Variants in HYDIN observed in about 807,000 individuals in gnomAD.
HYDIN encodes HYDIN axonemal central pair apparatus protein, also known as axonemal central pair apparatus protein HYDIN.
Under a neutral mutation model 403.9 loss-of-function variants are expected in HYDIN, and 132 were observed. That is an observed-to-expected ratio of 0.33 (90% confidence interval 0.28 to 0.38). The LOEUF is 0.38. Ranked by LOEUF, HYDIN falls within the 10% of genes least tolerant of loss-of-function variation. HYDIN has a pLI of 1.00. For missense variants in HYDIN, 2,827 were observed against 5,009.5 expected, an observed-to-expected ratio of 0.56 and a Z score of 13.15; for synonymous variants, 1,202 against 1,891.7, an observed-to-expected ratio of 0.64 and a Z score of 9.46.
chr16:70,834,980 A>ATATATATATACACACATATATGTGTG (rs1555539572), intron 78 of HYDIN, among the ~76,000 whole-genome samples: 1,486 of 128,590 alleles, frequency 0.012, 36 homozygotes, highest in African/African-American at 0.057. Flanking sequence ...ATGTGTGTAT[A>ATATATATATACACACATATATGTGTG]TATATATATA....
At position 70,985,255 on chromosome 16, in the gene HYDIN, T is replaced by A. The variant is rs2079156029; in HGVS notation, c.4262A>T (p.Lys1421Met). ...AGAAGACTGGTGGTCAGTCAGAACC[T>A]TGAACTCAAAGCCAACTTTCCCCAT... ...TNMGKVGFEF[K>M]VLTDHQSSPD... Residue 1421 changes from lysine (K) to methionine (M), a missense_variant, in exon 28 of 86, where the codon AAG (lysine) becomes ATG (methionine). Coordinates refer to ENST00000393567, the MANE Select transcript of HYDIN (RefSeq NM_001270974.2). The A allele has an allele frequency of 1.0e-5, 16 of 1,567,770 alleles. No homozygotes were observed. In the East Asian group the frequency reaches 3.6e-4, roughly 35 times the overall value.
intron 8 of HYDIN, among the ~76,000 whole-genome samples, chr16:71,133,720 A>G (rs888291081): frequency 2.0e-5 from 3 of 152,134 alleles, no homozygotes; most frequent in Non-Finnish European, 4.4e-5. Context: ...AGTGAACGTG[A>G]TAAGAATGAG....
chr16:71,208,762 G>C (rs892950312), intron 1 of HYDIN, among the ~76,000 whole-genome samples: 3 of 151,832 alleles, frequency 2.0e-5, no homozygotes, highest in Non-Finnish European at 4.4e-5. Flanking sequence ...AACCATCAGA[G>C]ACTCCTTTAT....
At chr16:71,203,851 G>A (rs1438904676) in intron 1 of HYDIN, 2 of 454,372 alleles carry the variant, frequency 4.4e-6, no homozygotes, top group South Asian at 1.6e-5. Flanking sequence ...GATCACTTGA[G>A]CTCAGGAGTT....
chr16:70,808,788 T>C (rs1392682887), intron 85 of HYDIN, among the ~76,000 whole-genome samples: 1 of 152,226 alleles, frequency 6.6e-6, no homozygotes, highest in Non-Finnish European at 1.5e-5. Context: ...CCTTTGTTGA[T>C]AGGTGTGGTC....
chr16:71,064,986 C>T, intron 15 of HYDIN, 146 bp from the exon 16 acceptor site: 1 of 568,962 alleles, frequency 1.8e-6, no homozygotes, highest in Admixed American at 3.0e-5. Flanking sequence ...AGCTTCTCTC[C>T]TCCTCTCTTC....
chr16:71,153,236 G>C (rs2085613160), intron 6 of HYDIN, among the ~76,000 whole-genome samples: 1 of 152,180 alleles, frequency 6.6e-6, no homozygotes, highest in South Asian at 2.1e-4. Context: ...AGTTTTGTGA[G>C]AGTTCACAGG....
At chr16:70,944,135 G>T (rs114819952) in intron 41 of HYDIN, among the ~76,000 whole-genome samples, 186 bp from the exon 42 acceptor site, 5 of 152,172 alleles carry the variant, frequency 3.3e-5, no homozygotes, top group African/African-American at 1.2e-4. Context: ...GTTTCAAGTG[G>T]GAATAGCATG....
At chr16:71,022,215 T>A (rs549243476) in intron 21 of HYDIN, among the ~76,000 whole-genome samples, 1 of 152,218 alleles carries the variant, frequency 6.6e-6, no homozygotes, top group Non-Finnish European at 1.5e-5. Context: ...CTTGGTTGGT[T>A]TTGGCAAGAG....
chr16:70,854,381 T>C (rs2038880408), intron 73 of HYDIN, among the ~76,000 whole-genome samples: 1 of 148,802 alleles, frequency 6.7e-6, no homozygotes, highest in Non-Finnish European at 1.5e-5. Context: ...ATTACAGGTG[T>C]GTGCCACCAC....
intron 12 of HYDIN, among the ~76,000 whole-genome samples, chr16:71,086,225 A>C (rs1221693405): frequency 1.3e-5 from 2 of 152,220 alleles, no homozygotes; most frequent in Non-Finnish European, 2.9e-5. Context: ...TTCAGAGTCA[A>C]AAGTGAGGGC....
At chr16:71,211,050 T>A (rs2088562009) in intron 1 of HYDIN, among the ~76,000 whole-genome samples, 3 of 151,928 alleles carry the variant, frequency 2.0e-5, no homozygotes, top group Admixed American at 1.3e-4. Context: ...AAGTCAATGA[T>A]CAGAGCCTGC....
In HYDIN at chr16:70,832,864, G is replaced by A. The variant is rs2037108011; in HGVS notation, c.13883C>T (p.Pro4628Leu). The change falls in exon 80 of 86, where the codon CCA becomes CTA. Residue 4628 changes from proline (P) to leucine (L), a missense_variant. Coordinates refer to ENST00000393567, the MANE Select transcript of HYDIN (RefSeq NM_001270974.2). ...SLTLSGVCVG[P>L]PAVKEVVNFT... ...GCTACTAACCTCTTTTACCGCAGGT[G>A]GTCCCACGCAGACTCCAGACAGGGT... The A allele has an allele frequency of 2.5e-6, 4 of 1,610,382 alleles. No individual in the cohort carries two copies. Among genetic ancestry groups the A allele is most frequent in the Non-Finnish European group, 3.4e-6 (4 of 1,177,626 alleles).
intron 40 of HYDIN, among the ~76,000 whole-genome samples, chr16:70,954,169 C>G (rs1035680587): frequency 1.9e-5 from 1 of 51,626 alleles, no homozygotes; most frequent in African/African-American, 7.8e-5. Flanking sequence ...GAAGGCCACA[C>G]CAGACCTCCC....
At chr16:70,911,795 T>G (rs369833143) in intron 47 of HYDIN, among the ~76,000 whole-genome samples, 2,889 of 151,370 alleles carry the variant, frequency 0.019, 47 homozygotes, top group Middle Eastern at 0.082. Flanking sequence ...CAGCAGTGTT[T>G]TGTAGTTTTC....
At chr16:70,955,311 A>G (rs2078198433) in intron 40 of HYDIN, 64 bp downstream of exon 40, 2 of 1,058,338 alleles carry the variant, frequency 1.9e-6, no homozygotes, top group Non-Finnish European at 2.7e-6. Flanking sequence ...CACAGAGAAG[A>G]TGGGTGTTGT....
At chr16:71,047,142 G>A (rs758254083) in intron 18 of HYDIN, among the ~76,000 whole-genome samples, 1 of 152,170 alleles carries the variant, frequency 6.6e-6, no homozygotes, top group South Asian at 2.1e-4. Flanking sequence ...GGACAGGCTT[G>A]CAAGGAATGC....
At chr16:71,146,037 G>A (rs1337488344) in intron 7 of HYDIN, among the ~76,000 whole-genome samples, 1 of 152,106 alleles carries the variant, frequency 6.6e-6, no homozygotes, top group Admixed American at 6.6e-5. Context: ...ATGTAGAGTT[G>A]TTTATTTATA....
At chr16:71,171,913 G>A (rs2086478605) in intron 5 of HYDIN, among the ~76,000 whole-genome samples, 1 of 152,062 alleles carries the variant, frequency 6.6e-6, no homozygotes, top group Non-Finnish European at 1.5e-5. Context: ...TATGTATCAG[G>A]CCCTGTGCCA....
Sources: allele counts gnomAD v4.1 joint callset (sites outside exome capture counted in the v4.1 genomes callset), GRCh38; gene constraint gnomAD v4.1.1; transcripts MANE v1.5; gene names NCBI Gene and HGNC (gene_info 2026-07-23, HGNC 2026-07-21).